Variants in SNX29 observed in about 807,000 individuals in gnomAD.
The protein encoded by SNX29 is sorting nexin-29.
In SNX29, 78 loss-of-function variants were observed where a neutral mutation model predicts 102.1. That is an observed-to-expected ratio of 0.76 (90% CI 0.64 to 0.92). The LOEUF (loss-of-function observed/expected upper bound fraction) is 0.92, where lower values mean the gene tolerates loss of function less well. Among genes scored for constraint, SNX29 ranks in the 40% least tolerant of loss-of-function variants. SNX29 has a pLI of 0.00. For synonymous variants in SNX29, 580 were observed against 414.5 expected, an observed-to-expected ratio of 1.40 and a Z score of -4.85; for missense variants, 1,280 against 1,061.7, an observed-to-expected ratio of 1.21 and a Z score of -2.86.
chr16:12,464,859 T>A (rs7184853), intron 18 of SNX29, among the ~76,000 whole-genome samples: 4 of 151,730 alleles, frequency 2.6e-5, no homozygotes, highest in Admixed American at 6.6e-5. Flanking sequence ...TATGATTTAC[T>A]TTCCTGCCAA....
chr16:12,548,629 G>A (rs966778699), intron 20 of SNX29, among the ~76,000 whole-genome samples: 1 of 152,202 alleles, frequency 6.6e-6, no homozygotes, highest in Non-Finnish European at 1.5e-5. Context: ...CAGCAGAAGA[G>A]GCTCTTCAGG....
At chr16:12,561,602 GAC>G (rs1176348823) in intron 20 of SNX29, among the ~76,000 whole-genome samples, 1 of 152,044 alleles carries the variant, frequency 6.6e-6, no homozygotes, top group Non-Finnish European at 1.5e-5. Flanking sequence ...CTGGTGACAG[GAC>G]ACAACGCAGT....
At chr16:12,172,318 A>C (rs771897880) in intron 13 of SNX29, among the ~76,000 whole-genome samples, 1 of 152,234 alleles carries the variant, frequency 6.6e-6, no homozygotes, top group East Asian at 1.9e-4. Flanking sequence ...AGGTGGAGAC[A>C]GGCCAGAGGG....
At chr16:12,279,848 G>A (rs1172313348) in intron 15 of SNX29, among the ~76,000 whole-genome samples, 9 of 152,232 alleles carry the variant, frequency 5.9e-5, no homozygotes, top group African/African-American at 2.2e-4. Context: ...AGGGTTCTCA[G>A]AATGAAAGTG....
At chr16:12,324,201 T>G (rs113596561) in intron 15 of SNX29, among the ~76,000 whole-genome samples, 1 of 151,870 alleles carries the variant, frequency 6.6e-6, no homozygotes, top group Non-Finnish European at 1.5e-5. Flanking sequence ...GAGTTTACAT[T>G]GAGGACAGCA....
At chr16:12,453,399 C>T (rs1219484170) in intron 18 of SNX29, among the ~76,000 whole-genome samples, 3 of 152,172 alleles carry the variant, frequency 2.0e-5, no homozygotes, top group African/African-American at 7.2e-5. Flanking sequence ...GCGGTGTGAC[C>T]CTGGGCACAT....
intron 13 of SNX29, among the ~76,000 whole-genome samples, chr16:12,140,437 G>C (rs115701963): frequency 0.012 from 1,843 of 152,322 alleles, 21 homozygotes; most frequent in African/African-American, 0.026. Context: ...GGGGTGGCTG[G>C]CTTTCCCTCA....
At chr16:12,226,697 C>T (rs1354354023) in intron 14 of SNX29, among the ~76,000 whole-genome samples, 1 of 151,930 alleles carries the variant, frequency 6.6e-6, no homozygotes, top group Non-Finnish European at 1.5e-5. Context: ...CCTCAGCCTC[C>T]CGAGTAGCCG....
At chr16:12,138,109 C>T (rs60761405) in intron 13 of SNX29, among the ~76,000 whole-genome samples, 15 of 151,876 alleles carry the variant, frequency 9.9e-5, no homozygotes, top group Non-Finnish European at 1.8e-4. Flanking sequence ...CATCCATATG[C>T]TAGCACTTCT....
chr16:12,303,905 C>T (rs1433484769), intron 15 of SNX29, among the ~76,000 whole-genome samples: 1 of 152,092 alleles, frequency 6.6e-6, no homozygotes, highest in Non-Finnish European at 1.5e-5. Flanking sequence ...CTGTACTCTC[C>T]CTCCTATTCC....
chr16:12,415,759 C>T (rs1384808520), intron 18 of SNX29, among the ~76,000 whole-genome samples: 1 of 152,192 alleles, frequency 6.6e-6, no homozygotes. Flanking sequence ...GAACAGTTGG[C>T]ACCTGCCCTG....
At chr16:12,403,417 A>T in intron 17 of SNX29, 31 bp from the exon 18 acceptor site, 1 of 1,567,012 alleles carries the variant, frequency 6.4e-7, no homozygotes, top group Non-Finnish European at 8.7e-7. Context: ...AAAATGTCTA[A>T]TGTTGGTCTC....
At chr16:11,987,131 CAT>C (rs1168218171) in intron 1 of SNX29, among the ~76,000 whole-genome samples, 1 of 151,884 alleles carries the variant, frequency 6.6e-6, no homozygotes, top group Non-Finnish European at 1.5e-5. Flanking sequence ...GTGGTGCAGT[CAT>C]AGCTCACTGC....
intron 18 of SNX29, among the ~76,000 whole-genome samples, chr16:12,471,097 C>T (rs933007717): frequency 1.3e-5 from 2 of 152,172 alleles, no homozygotes; most frequent in Non-Finnish European, 1.5e-5. Flanking sequence ...CGAGATCTGA[C>T]ATGCTTTGGG....
intron 3 of SNX29, among the ~76,000 whole-genome samples, chr16:12,008,109 A>C (rs1340981580): frequency 6.6e-6 from 1 of 151,730 alleles, no homozygotes; most frequent in Non-Finnish European, 1.5e-5. Context: ...ATGCCCAGCT[A>C]ATTTGTTTGT....
At chr16:12,115,237 G>C (rs969334048) in intron 11 of SNX29, among the ~76,000 whole-genome samples, 2 of 151,930 alleles carry the variant, frequency 1.3e-5, no homozygotes, top group Admixed American at 1.3e-4. Context: ...CTTCTTCTTG[G>C]CTGGGAATCC....
intron 20 of SNX29, among the ~76,000 whole-genome samples, chr16:12,538,843 A>G (rs2077195186): frequency 1.3e-5 from 2 of 152,192 alleles, no homozygotes; most frequent in South Asian, 4.1e-4. Context: ...GTCACGTGGC[A>G]AAGAGGGGCA....
chr16:12,387,197 G>A (rs912653282), intron 16 of SNX29, among the ~76,000 whole-genome samples: 1 of 152,066 alleles, frequency 6.6e-6, no homozygotes, highest in Admixed American at 6.5e-5. Flanking sequence ...CCAAGTTAGC[G>A]GTTCCATTCC....
chr16:12,212,062 G>T (rs1352031895), intron 14 of SNX29, among the ~76,000 whole-genome samples: 1 of 152,068 alleles, frequency 6.6e-6, no homozygotes, highest in Non-Finnish European at 1.5e-5. Flanking sequence ...TATTCTCTCA[G>T]ACGTGTTCTA....
Sources: gnomAD v4.1 joint callset for allele counts (sites outside exome capture counted in the v4.1 genomes callset) on GRCh38, gnomAD v4.1.1 for gene constraint, MANE v1.5 for transcripts, NCBI Gene and HGNC (gene_info 2026-07-23, HGNC 2026-07-21) for gene names.